Variants in OR6B3 observed in about 807,000 individuals in gnomAD.
OR6B3 encodes olfactory receptor family 6 subfamily B member 3, also known as olfactory receptor 6B3.
For synonymous variants in OR6B3, 148 were observed against 187.8 expected (o/e 0.79, Z 1.73); for missense variants, 315 against 427.4 (o/e 0.74, Z 2.32).
upstream of OR6B3, among the ~76,000 whole-genome samples, chr2:240,049,660 G>T (rs1157511141): frequency 6.6e-6 from 1 of 152,136 alleles, no homozygotes; most frequent in Non-Finnish European, 1.5e-5. Flanking sequence ...AAAACAAAAT[G>T]CAAACGTCTC....
downstream of OR6B3, among the ~76,000 whole-genome samples, chr2:240,044,724 G>A (rs1698155765): frequency 6.6e-6 from 1 of 152,234 alleles, no homozygotes; most frequent in Admixed American, 6.5e-5. Flanking sequence ...ACTTTTCCCA[G>A]ACACATTTTG....
upstream of OR6B3, among the ~76,000 whole-genome samples, chr2:240,050,844 T>G (rs1307388573): frequency 1.3e-5 from 2 of 151,978 alleles, no homozygotes; most frequent in African/African-American, 4.8e-5. Flanking sequence ...TGCCAAGTAT[T>G]GGAATTAGAA....
chr2:240,046,801 T>C (rs991046312), intron 1 of OR6B3, among the ~76,000 whole-genome samples, 151 bp downstream of exon 2: 1 of 152,178 alleles, frequency 6.6e-6, no homozygotes, highest in Non-Finnish European at 1.5e-5. Context: ...GGCCTGTGGC[T>C]GAGGGAGGAG....
upstream of OR6B3, among the ~76,000 whole-genome samples, chr2:240,051,465 A>G (rs1365174342): frequency 6.6e-6 from 1 of 152,254 alleles, no homozygotes; most frequent in Non-Finnish European, 1.5e-5. Context: ...GCCTGTGCCC[A>G]GCTTCTAGCT....
At chr2:240,048,545 C>T (rs1489044521), upstream of OR6B3, among the ~76,000 whole-genome samples, 1 of 152,160 alleles carries the variant, frequency 6.6e-6, no homozygotes, top group East Asian at 1.9e-4. Flanking sequence ...ACCCACTGGG[C>T]CGCATGCTCC....
chr2:240,045,386 G>A (rs201585880), exon 2 of OR6B3: 125 of 1,614,062 alleles, frequency 7.7e-5, no homozygotes, highest in Middle Eastern at 1.6e-4. Flanking sequence ...CGGTGGCCGA[G>A]GGGATGCGCA....
At chr2:240,045,184 A>G (rs769063131) in exon 2 of OR6B3, 9 of 1,614,254 alleles carry the variant, frequency 5.6e-6, no homozygotes, top group Middle Eastern at 1.6e-4. Flanking sequence ...GCATTCTTAA[A>G]TTCCTTATTC....
upstream of OR6B3, among the ~76,000 whole-genome samples, chr2:240,048,532 C>T (rs1018273676): frequency 6.6e-6 from 1 of 152,110 alleles, no homozygotes; most frequent in Non-Finnish European, 1.5e-5. Context: ...CCTCTTGCTG[C>T]GCACCCACTG....
At chr2:240,045,785 C>T (rs1216691045) in exon 2 of OR6B3, 2 of 1,477,856 alleles carry the variant, frequency 1.4e-6, no homozygotes, top group South Asian at 1.1e-5. Context: ...GCGTCATGCA[C>T]CCGACGAAAG....
exon 2 of OR6B3, chr2:240,046,072 T>C (rs1698184785): frequency 6.2e-7 from 1 of 1,610,596 alleles, no homozygotes; most frequent in African/African-American, 1.3e-5. Flanking sequence ...TCCCCACTCA[T>C]GCCTCTGTGC....
upstream of OR6B3, among the ~76,000 whole-genome samples, chr2:240,050,921 T>C (rs950230751): frequency 6.6e-6 from 1 of 152,178 alleles, no homozygotes; most frequent in East Asian, 1.9e-4. Context: ...ATATACACTT[T>C]TGTTTAGAAA....
chr2:240,050,721 C>CAAAAAAAAAAA (rs61309204), upstream of OR6B3, among the ~76,000 whole-genome samples: 1 of 57,336 alleles, frequency 1.7e-5, no homozygotes, highest in Non-Finnish European at 4.2e-5. Flanking sequence ...CTCAAAGAGA[C>CAAAAAAAAAAA]AAAAAAAAAA....
upstream of OR6B3, among the ~76,000 whole-genome samples, chr2:240,050,721 CAA>C (rs61309204): frequency 1.2e-3 from 69 of 57,326 alleles, no homozygotes; most frequent in African/African-American, 2.1e-3. Flanking sequence ...CTCAAAGAGA[CAA>C]AAAAAAAAAA....
At chr2:240,044,965 C>T, downstream of OR6B3, 3 of 914,640 alleles carry the variant, frequency 3.3e-6, no homozygotes, top group Non-Finnish European at 5.1e-6. Flanking sequence ...AACAACAATA[C>T]CTATGCTATT....
At chr2:240,051,598 A>C (rs116133094), upstream of OR6B3, among the ~76,000 whole-genome samples, 6,960 of 152,262 alleles carry the variant, frequency 0.046, 174 homozygotes, top group Non-Finnish European at 0.058. Flanking sequence ...AGGGAAGAAA[A>C]ACTATGTATC....
rs754300392 is a variant in OR6B3 at position 240,045,334 on chromosome 2, C to T, written c.739G>A (p.Val247Met). Reference sequence around the variant, plus strand: ...AAGGCTGTATAGAAGACGGTGACCACGGTGAGGTGAGAGGCGCAGGTGAAG... The same window carrying T: ...AAGGCTGTATAGAAGACGGTGACCATGGTGAGGTGAGAGGCGCAGGTGAAG... Residue 247 changes from valine to methionine, a missense_variant, in exon 2 of 2, where the codon GTG becomes ATG. Val to Met is a conservative substitution (Grantham distance 21). Coordinates refer to ENST00000641019, the Ensembl canonical transcript of OR6B3. 2.2e-5 allele frequency: 36 copies of T among 1,614,054 alleles called. No individual in the cohort carries two copies. Among genetic ancestry groups the T allele is most frequent in the Admixed American group, 8.3e-5 (5 of 60,002 alleles).
upstream of OR6B3, among the ~76,000 whole-genome samples, chr2:240,051,299 T>C (rs1698253234): frequency 6.6e-6 from 1 of 152,168 alleles, no homozygotes; most frequent in Admixed American, 6.5e-5. Flanking sequence ...CAAGGAAGAC[T>C]GGGGGCTTAG....
At chr2:240,050,333 C>T (rs1009487984), upstream of OR6B3, among the ~76,000 whole-genome samples, 1 of 152,116 alleles carries the variant, frequency 6.6e-6, no homozygotes, top group African/African-American at 2.4e-5. Flanking sequence ...AATTTCAGAC[C>T]CCAAATGGTC....
chr2:240,045,416 C>A (rs13389099), exon 2 of OR6B3: 2 of 1,613,890 alleles, frequency 1.2e-6, no homozygotes, highest in Non-Finnish European at 1.7e-6. Flanking sequence ...GGGTGATGTG[C>A]GCATATGACA....
Sources: gnomAD v4.1 joint callset for allele counts (sites outside exome capture counted in the v4.1 genomes callset) on GRCh38, gnomAD v4.1.1 for gene constraint, MANE v1.5 for transcripts, NCBI Gene and HGNC (gene_info 2026-07-23, HGNC 2026-07-21) for gene names.